The following CFAP299 variants were observed in gnomAD, a reference collection of about 807,000 sequenced individuals.
The protein encoded by CFAP299 is cilia and flagella associated protein 299.
In CFAP299, 21 loss-of-function variants were observed where a neutral mutation model predicts 27.0. The ratio of observed to expected loss-of-function variants is 0.78; its 90% CI spans 0.55 to 1.12. The LOEUF (loss-of-function observed/expected upper bound fraction) is 1.12. Among genes scored for constraint, CFAP299 ranks in the 50% most tolerant of loss-of-function variants. The pLI, the probability that CFAP299 is intolerant of heterozygous loss-of-function variation, is 0.00. For missense variants in CFAP299, 310 were observed against 276.6 expected (o/e 1.12, Z -0.86); for synonymous variants, 104 against 98.1 (o/e 1.06, Z -0.36).
At chr4:80,404,969 C>G (rs1290586496) in intron 2 of CFAP299, among the ~76,000 whole-genome samples, 2 of 152,044 alleles carry the variant, frequency 1.3e-5, no homozygotes, top group Admixed American at 1.3e-4. Flanking sequence ...TTAATAGTAA[C>G]CATTCTGATG....
chr4:80,741,980 A>T (rs1333308624), intron 3 of CFAP299, among the ~76,000 whole-genome samples: 1 of 152,118 alleles, frequency 6.6e-6, no homozygotes, highest in Non-Finnish European at 1.5e-5. Context: ...GGCAGCACTG[A>T]GTTCAATGTA....
chr4:80,635,892 G>A (rs1383484002), intron 3 of CFAP299, among the ~76,000 whole-genome samples: 1 of 151,972 alleles, frequency 6.6e-6, no homozygotes, highest in Non-Finnish European at 1.5e-5. Context: ...GAGATCTCAG[G>A]TCTTTTGTTA....
intron 3 of CFAP299, among the ~76,000 whole-genome samples, chr4:80,674,588 G>A (rs1379909595): frequency 6.6e-6 from 1 of 152,154 alleles, no homozygotes; most frequent in Non-Finnish European, 1.5e-5. Context: ...GGTTGCAGAA[G>A]TTCTCCTGGA....
At chr4:80,699,465 C>T (rs1191179043) in intron 3 of CFAP299, among the ~76,000 whole-genome samples, 1 of 152,196 alleles carries the variant, frequency 6.6e-6, no homozygotes, top group Non-Finnish European at 1.5e-5. Context: ...ACCAGAAACA[C>T]CCTGAATCCT....
At position 80,784,587 on chromosome 4, in the gene CFAP299, G is replaced by A. The variant is rs76429924; in HGVS notation, c.334-85406G>A. Among the ~76,000 whole-genome samples the A allele has an allele frequency of 8.6e-3, 1,302 of 151,366 alleles. 17 individuals are homozygous for A. Among genetic ancestry groups the A allele is most frequent in the African/African-American group, 0.03 (1,227 of 41,188 alleles). On this transcript the variant is annotated intron_variant, in intron 3 of 5. Coordinates refer to ENST00000358105, the MANE Select transcript of CFAP299 (RefSeq NM_152770.3). ...GGCTGGAGTGCAATGGTGTCATCTC[G>A]GCTCACCGCAACCTTGGCCTCCCAG... is the stretch of plus-strand genomic sequence containing the variant.
chr4:80,331,575 C>G (rs1560515949), upstream of CFAP299, among the ~76,000 whole-genome samples: 1 of 152,144 alleles, frequency 6.6e-6, no homozygotes. Context: ...GTGGAAATAA[C>G]AGGCCTTACA....
At chr4:80,565,444 T>G (rs1040734689) in intron 2 of CFAP299, among the ~76,000 whole-genome samples, 1 of 152,014 alleles carries the variant, frequency 6.6e-6, no homozygotes, top group African/African-American at 2.4e-5. Context: ...TATGACTAAT[T>G]CTTTTTTTAA....
chr4:80,488,675 A>C (rs1263595431), intron 2 of CFAP299, among the ~76,000 whole-genome samples: 1 of 152,084 alleles, frequency 6.6e-6, no homozygotes, highest in Admixed American at 6.6e-5. Context: ...ACGGGGTTTC[A>C]CCGTGTTAGC....
At chr4:80,689,371 G>C (rs1292131922) in intron 3 of CFAP299, among the ~76,000 whole-genome samples, 2 of 152,120 alleles carry the variant, frequency 1.3e-5, no homozygotes, top group Admixed American at 1.3e-4. Context: ...AGCCAGAACA[G>C]AGTGGGGGCC....
rs193085303 is a variant in CFAP299, at chr4:80,427,711, G to A, written c.242+64827G>A. On this transcript the variant is annotated intron_variant, in intron 2 of 5. Coordinates refer to ENST00000358105, the MANE Select transcript of CFAP299 (RefSeq NM_152770.3). ...TGTTTTTCCCTTTCTAAATCAAGGA[G>A]CTGCATTAAACAGCAACTTAAGTGT... 6.2e-3 allele frequency among the ~76,000 whole-genome samples: 939 copies of A among 152,284 alleles called. 2 individuals carry two copies. The highest frequency in any genetic ancestry group is 0.024 in the Middle Eastern group (7 of 294).
chr4:80,839,772 TA>T (rs1282499974), intron 3 of CFAP299, among the ~76,000 whole-genome samples: 2 of 152,070 alleles, frequency 1.3e-5, no homozygotes, highest in Non-Finnish European at 2.9e-5. Context: ...ATTCCCATTT[TA>T]AAAATCCCCC....
intron 3 of CFAP299, among the ~76,000 whole-genome samples, chr4:80,607,863 G>C (rs1737759496): frequency 6.6e-6 from 1 of 152,138 alleles, no homozygotes; most frequent in African/African-American, 2.4e-5. Flanking sequence ...AATGCTGTGG[G>C]AATAGAAATG....
intron 2 of CFAP299, among the ~76,000 whole-genome samples, chr4:80,415,729 A>G (rs1726969045): frequency 6.6e-6 from 1 of 152,216 alleles, no homozygotes; most frequent in African/African-American, 2.4e-5. Flanking sequence ...AAAACAAACT[A>G]AAATCCCACT....
intron 2 of CFAP299, among the ~76,000 whole-genome samples, chr4:80,533,618 A>T (rs1230771532): frequency 2.0e-5 from 3 of 152,184 alleles, no homozygotes; most frequent in Non-Finnish European, 4.4e-5. Context: ...AATATCTAAG[A>T]TCCAGTTATT....
rs577268443 is a variant in CFAP299 at position 80,716,381 on chromosome 4, CTA to C, written c.333+133209_333+133210del. ...TCAATAAGGATAGTATTGATATATTCTATATATATATAATATATTCTATAAGA... is the reference window on the plus strand; with the variant it reads ...TCAATAAGGATAGTATTGATATATTCTATATATATAATATATTCTATAAGA... On this transcript the variant is annotated intron_variant, in intron 3 of 5. Transcript: ENST00000358105. Among the ~76,000 whole-genome samples, 489 of 149,596 alleles carry C rather than the reference CTA, an allele frequency of 3.3e-3. 2 individuals carry two copies. Among genetic ancestry groups the C allele is most frequent in the Non-Finnish European group, 5.2e-3 (352 of 67,448 alleles).
At chr4:80,897,212 T>G (rs529805229) in intron 4 of CFAP299, among the ~76,000 whole-genome samples, 2 of 152,296 alleles carry the variant, frequency 1.3e-5, no homozygotes, top group Admixed American at 1.3e-4. Context: ...TTATAGGGTA[T>G]TCCAGAGCAG....
chr4:80,798,759 A>C (rs1008274966), intron 3 of CFAP299, among the ~76,000 whole-genome samples: 1 of 152,088 alleles, frequency 6.6e-6, no homozygotes, highest in Non-Finnish European at 1.5e-5. Context: ...AATCAGCTTT[A>C]TTATATTCCT....
At chr4:80,452,322 T>C (rs1356616652) in intron 2 of CFAP299, among the ~76,000 whole-genome samples, 1 of 152,156 alleles carries the variant, frequency 6.6e-6, no homozygotes, top group Non-Finnish European at 1.5e-5. Flanking sequence ...CATTCCCTAT[T>C]TGTTCATCTT....
intron 3 of CFAP299, among the ~76,000 whole-genome samples, chr4:80,695,055 A>C (rs760421190): frequency 2.0e-5 from 3 of 152,178 alleles, no homozygotes; most frequent in Non-Finnish European, 4.4e-5. Context: ...TCATAGTAGC[A>C]TCATTTTAAA....
Sources: allele counts gnomAD v4.1 joint callset (sites outside exome capture counted in the v4.1 genomes callset), GRCh38; gene constraint gnomAD v4.1.1; transcripts MANE v1.5; gene names NCBI Gene and HGNC (gene_info 2026-07-23, HGNC 2026-07-21).